ZNF738: variants seen among roughly 807,000 people sequenced by gnomAD.
The protein encoded by ZNF738 is zinc finger protein 738.
Under a neutral mutation model 9.2 loss-of-function variants are expected in ZNF738, and 10 were observed. The observed-to-expected ratio is 1.09, with a 90% CI of 0.67 to 1.85. ZNF738 has a LOEUF of 1.85. Among genes scored for constraint, ZNF738 ranks in the 40% most tolerant of loss-of-function variants. The pLI is 0.00. For synonymous variants in ZNF738, 113 were observed against 94.5 expected, an observed-to-expected ratio of 1.20 and a Z score of -1.14; for missense variants, 346 against 283.6, an observed-to-expected ratio of 1.22 and a Z score of -1.58.
intron 1 of ZNF738, among the ~76,000 whole-genome samples, 198 bp downstream of exon 1, chr19:21,359,341 G>A (rs999402223): frequency 5.3e-5 from 8 of 152,208 alleles, no homozygotes; most frequent in African/African-American, 1.7e-4. Flanking sequence ...CGGGCGTCCT[G>A]TCTCTTCCCT....
chr19:21,361,280 G>T (rs1286670635), intron 1 of ZNF738, among the ~76,000 whole-genome samples: 1 of 151,572 alleles, frequency 6.6e-6, no homozygotes, highest in East Asian at 2.0e-4. Flanking sequence ...GGGATTACAG[G>T]CATGTGCCAG....
chr19:21,363,917 C>T (rs1973737195), intron 2 of ZNF738, among the ~76,000 whole-genome samples: 1 of 150,298 alleles, frequency 6.7e-6, no homozygotes, highest in East Asian at 2.0e-4. Context: ...AATTCTAGAG[C>T]CCGGCATGGT....
rs756747664 is a variant in ZNF738, at chr19:21,361,872, A to G, written c.96+14A>G. 1.6e-5 allele frequency: 12 copies of G among 771,182 alleles called. No individual in the cohort carries two copies. Among genetic ancestry groups the G allele is most frequent in the South Asian group, 1.4e-4 (10 of 73,216 alleles). The allele number at this position is 771,182 out of a possible 1,614,324, so 47.8% of individuals were successfully genotyped here. On this transcript the variant is annotated intron_variant, in intron 2 of 4. Coordinates refer to ENST00000683779, the MANE Select transcript of ZNF738 (RefSeq NM_001355237.2). The stretch of plus-strand genomic sequence containing the variant: ...TATTTTGAAAAGGTAACCCCTTGAT[A>G]TGTTAAAATTGTCTTTGGGACCAGC...
At chr19:21,376,436 T>C (rs1392770584) in intron 4 of ZNF738, 3 of 152,690 alleles carry the variant, frequency 2.0e-5, no homozygotes, top group Non-Finnish European at 1.5e-5. Flanking sequence ...CCATCTTTTT[T>C]TATTAGTATA....
chr19:21,375,782 T>C lies in ZNF738; in HGVS notation c.224-87T>C, dbSNP rs1213223506. ...TTGGGATGAATTTTCTAGAATATTC[T>C]ATTACCTCCTCTTTACTAAGCACAG... On this transcript the variant is annotated intron_variant, in intron 3 of 4. Coordinates refer to ENST00000683779, the MANE Select transcript of ZNF738 (RefSeq NM_001355237.2). 3 of 586,332 alleles carry C rather than the reference T, an allele frequency of 5.1e-6. No individual in the cohort carries two copies. The Admixed American group carries it at 8.4e-5, about 16-fold the overall frequency. 36.3% of individuals were successfully genotyped at this position (586,332 alleles called of 1,614,324 possible).
intron 4 of ZNF738, chr19:21,381,354 T>G: frequency 6.6e-7 from 1 of 1,503,982 alleles, no homozygotes; most frequent in Non-Finnish European, 9.2e-7. Context: ...TTCTTTTTGA[T>G]GAATACTCTG....
intron 4 of ZNF738, among the ~76,000 whole-genome samples, chr19:21,376,603 A>C (rs934594764): frequency 6.6e-6 from 1 of 151,998 alleles, no homozygotes; most frequent in African/African-American, 2.4e-5. Flanking sequence ...CCCAGGTTGG[A>C]GTGCAAAGGC....
At chr19:21,364,183 C>A (rs1273555946) in intron 2 of ZNF738, among the ~76,000 whole-genome samples, 1 of 70,204 alleles carries the variant, frequency 1.4e-5, no homozygotes, top group African/African-American at 6.0e-5. Flanking sequence ...GGCAATAGAG[C>A]GAGAATCCGT....
chr19:21,374,718 C>G (rs1305173254), intron 2 of ZNF738, among the ~76,000 whole-genome samples: 1 of 151,962 alleles, frequency 6.6e-6, no homozygotes, highest in Non-Finnish European at 1.5e-5. Context: ...AACACAGGCT[C>G]TTCCACTTAC....
chr19:21,375,401 C>T (rs11879647), intron 3 of ZNF738, 37 bp downstream of exon 3: 2 of 624,978 alleles, frequency 3.2e-6, no homozygotes, highest in South Asian at 2.3e-5. Context: ...CTTATATACA[C>T]TAAAGGTTTC....
In ZNF738 at chr19:21,384,189, T is replaced by C; in HGVS notation, c.*515T>C. 1 of 1,417,288 alleles carries C rather than the reference T, an allele frequency of 7.1e-7. No individual in the cohort carries two copies. The allele number at this position is 1,417,288 out of a possible 1,614,324, so 87.8% of individuals were successfully genotyped here. A position where few individuals can be genotyped will look rare whatever the true frequency, so the allele number is the denominator to read the frequency against. ...CAAATGTGAGGAATGTGGCAAAGCT[T>C]TTAACTGGTACTCACGCCTTACTAC... is the stretch of plus-strand genomic sequence containing the variant. On this transcript the variant is annotated 3_prime_UTR_variant, in exon 5 of 5. Coordinates refer to ENST00000683779, the MANE Select transcript of ZNF738 (RefSeq NM_001355237.2).
At chr19:21,378,162 T>G in intron 4 of ZNF738, 1 of 380,866 alleles carries the variant, frequency 2.6e-6, no homozygotes, top group Non-Finnish European at 4.6e-6. Context: ...GCTAATTATA[T>G]TTTTATATGT....
intron 4 of ZNF738, chr19:21,379,408 C>A (rs958949318): frequency 6.6e-6 from 1 of 152,170 alleles, no homozygotes; most frequent in East Asian, 1.9e-4. Flanking sequence ...CATATTCTTA[C>A]AATGTGTCTT....
At position 21,383,692 on chromosome 19, in the gene ZNF738, T is replaced by C; in HGVS notation, c.*18T>C. On this transcript the variant is annotated 3_prime_UTR_variant, in exon 5 of 5. Transcript: ENST00000683779. ...GTGAATAATGTGGCAAAGCCTTTAATGTATTCGCAACCCTTACTAGACATA... is the reference window on the plus strand; with the variant it reads ...GTGAATAATGTGGCAAAGCCTTTAACGTATTCGCAACCCTTACTAGACATA... 3.2e-6 allele frequency: 3 copies of C among 924,018 alleles called. No individual in the cohort carries two copies. The highest frequency in any genetic ancestry group is 1.3e-5 in the South Asian group (1 of 77,962). The allele number at this position is 924,018 out of a possible 1,614,324, so 57.2% of individuals were successfully genotyped here. A position where few individuals can be genotyped will look rare whatever the true frequency, so the allele number is the denominator to read the frequency against.
intron 2 of ZNF738, among the ~76,000 whole-genome samples, chr19:21,368,350 T>C (rs1418774984): frequency 6.6e-6 from 1 of 152,258 alleles, no homozygotes; most frequent in East Asian, 1.9e-4. Flanking sequence ...TTTGGTTTTC[T>C]GTTTTGCGTT....
intron 2 of ZNF738, among the ~76,000 whole-genome samples, chr19:21,369,829 T>C (rs933764351): frequency 1.3e-5 from 2 of 152,060 alleles, no homozygotes; most frequent in African/African-American, 4.8e-5. Context: ...TTTTTTTTTT[T>C]TTGAGACATA....
At chr19:21,365,884 G>C (rs1166205912) in intron 2 of ZNF738, among the ~76,000 whole-genome samples, 2 of 151,812 alleles carry the variant, frequency 1.3e-5, no homozygotes, top group African/African-American at 2.4e-5. Context: ...TTGAACCTGG[G>C]AGGCAGAAGT....
In ZNF738 at chr19:21,366,676, C is replaced by T. The variant is rs543801246; in HGVS notation, c.96+4818C>T. Among the ~76,000 whole-genome samples the T allele has an allele frequency of 1.1e-4, 17 of 152,234 alleles. No homozygotes were observed. The South Asian group carries it at 3.5e-3, about 32-fold the overall frequency. On this transcript the variant is annotated intron_variant, in intron 2 of 4. Coordinates refer to ENST00000683779, the MANE Select transcript of ZNF738 (RefSeq NM_001355237.2). ...TGGCTTTCTCCATAGGCTGGTTGCA[C>T]ATTTTTATGTTTACTTTTTAATTAT... is the stretch of plus-strand genomic sequence containing the variant.
chr19:21,373,283 G>A (rs1433374590), intron 2 of ZNF738, among the ~76,000 whole-genome samples: 1 of 152,166 alleles, frequency 6.6e-6, no homozygotes, highest in Non-Finnish European at 1.5e-5. Context: ...CACAGGTTCT[G>A]TTTATTGTTC....
Sources: allele counts gnomAD v4.1 joint callset (sites outside exome capture counted in the v4.1 genomes callset), GRCh38; gene constraint gnomAD v4.1.1; transcripts MANE v1.5; gene names NCBI Gene and HGNC (gene_info 2026-07-23, HGNC 2026-07-21).